The following KIF6 variants were observed in gnomAD, a reference collection of about 807,000 sequenced individuals.
KIF6 encodes kinesin-like protein KIF6.
KIF6 carries 106 observed loss-of-function variants against 112.7 expected under a neutral mutation model. The ratio of observed to expected loss-of-function variants is 0.94; its 90% CI spans 0.80 to 1.11. KIF6 has a LOEUF of 1.11. KIF6 is among the 50% of genes least tolerant of loss of function. KIF6 has a pLI of 0.00. For synonymous variants in KIF6, 339 were observed against 339.9 expected (o/e 1.00, Z 0.03); for missense variants, 929 against 964.0 (o/e 0.96, Z 0.48).
intron 15 of KIF6, among the ~76,000 whole-genome samples, chr6:39,391,290 G>T (rs1264722617): frequency 6.6e-6 from 1 of 152,214 alleles, no homozygotes; most frequent in Non-Finnish European, 1.5e-5. Context: ...GCGCCATGCG[G>T]AACAGGGTAA....
chr6:39,689,040 C>T (rs1164723640), intron 3 of KIF6, among the ~76,000 whole-genome samples: 2 of 152,030 alleles, frequency 1.3e-5, no homozygotes, highest in East Asian at 1.9e-4. Flanking sequence ...ATCACTGAAG[C>T]CCAGGAGTTC....
chr6:39,443,152 AT>A (rs879560171), intron 13 of KIF6, among the ~76,000 whole-genome samples: 3,081 of 131,180 alleles, frequency 0.023, 60 homozygotes, highest in Non-Finnish European at 0.031. Context: ...AATAATAATA[AT>A]AATAATAAAT....
Position 39,584,934 on chromosome 6 carries a change from A to G in KIF6, c.1041T>C (p.Asn347=). 1.2e-6 allele frequency: 2 copies of G among 1,612,324 alleles called. No individual in the cohort carries two copies. The highest frequency in any genetic ancestry group is 2.2e-5 in the East Asian group (1 of 44,858). The change falls in exon 9 of 23, where the codon AAT becomes AAC. Residue 347 remains asparagine, a synonymous_variant. Transcript: ENST00000287152. Reference sequence around the variant, plus strand: ...TAATTTCTTCATTAAGAACAGCTTCATTCTTTATGAGTGCCACTCGCTGTG... The same window carrying G: ...TAATTTCTTCATTAAGAACAGCTTCGTTCTTTATGAGTGCCACTCGCTGTG... ...RFAQRVALIK[N]EAVLNEEINP...
intron 3 of KIF6, among the ~76,000 whole-genome samples, chr6:39,652,064 C>T (rs972451139): frequency 6.6e-6 from 1 of 152,102 alleles, no homozygotes. Flanking sequence ...GGGCAAAAAT[C>T]ACACGAGGAG....
rs759358807 is a variant in KIF6 at position 39,725,297 on chromosome 6, G to C, written c.14C>G (p.Thr5Ser). Residue 5 changes from threonine (T) to serine (S), a missense_variant, in exon 1 of 23, where the codon ACT (threonine) becomes AGT (serine). Thr to Ser is a moderately conservative substitution (Grantham distance 58). Around this residue, in one of 2 missense-constraint regions of KIF6, gnomAD observed 688 missense variants for 662.7 expected, o/e 1.04. Transcript: ENST00000287152. ...CTTCACCCTCGCGAATATCTGGATA[G>C]TCTGCTTCACCATCTCCTCCCTGGC... MVKQ[T>S]IQIFARVKPP... The C allele has an allele frequency of 4.3e-6, 7 of 1,610,674 alleles. No homozygotes were observed. Among genetic ancestry groups the C allele is most frequent in the South Asian group, 3.3e-5 (3 of 90,506 alleles).
chr6:39,388,126 G>C (rs1289170397), intron 15 of KIF6, among the ~76,000 whole-genome samples: 4 of 152,088 alleles, frequency 2.6e-5, no homozygotes, highest in African/African-American at 9.7e-5. Flanking sequence ...CCAGTAATAA[G>C]CCTCCCTGAC....
chr6:39,665,528 C>A (rs1043327615), intron 3 of KIF6, among the ~76,000 whole-genome samples: 1 of 151,536 alleles, frequency 6.6e-6, no homozygotes, highest in Non-Finnish European at 1.5e-5. Context: ...AAAATAATGC[C>A]GACAATTTTA....
chr6:39,389,147 TGTTA>T, intron 15 of KIF6, among the ~76,000 whole-genome samples: 1 of 152,306 alleles, frequency 6.6e-6, no homozygotes, highest in East Asian at 1.9e-4. Flanking sequence ...GGGTTTTCTC[TGTTA>T]CTGAGTAGTT....
At chr6:39,523,678 ATATATATATATATATATATG>A in intron 13 of KIF6, among the ~76,000 whole-genome samples, 1 of 113,864 alleles carries the variant, frequency 8.8e-6, no homozygotes, top group African/African-American at 4.2e-5. Flanking sequence ...ATATATATAT[ATATATATATATATATATATG>A]ATTACTCTTT....
intron 10 of KIF6, among the ~76,000 whole-genome samples, chr6:39,570,267 G>C (rs978526321): frequency 6.6e-6 from 1 of 152,172 alleles, no homozygotes; most frequent in Non-Finnish European, 1.5e-5. Context: ...ACAGCTTGGA[G>C]AGACATTGAC....
chr6:39,605,807 A>G (rs1357900702), intron 6 of KIF6, among the ~76,000 whole-genome samples: 1 of 152,112 alleles, frequency 6.6e-6, no homozygotes, highest in East Asian at 1.9e-4. Flanking sequence ...TTCTGACTAG[A>G]TGCCCTTAAG....
At chr6:39,523,513 A>G (rs1160274201) in intron 13 of KIF6, among the ~76,000 whole-genome samples, 3 of 151,222 alleles carry the variant, frequency 2.0e-5, no homozygotes, top group Non-Finnish European at 4.4e-5. Context: ...CACAAACCCT[A>G]CAATCCAACC....
At chr6:39,578,590 C>T (rs1402678535) in intron 9 of KIF6, among the ~76,000 whole-genome samples, 2 of 152,034 alleles carry the variant, frequency 1.3e-5, no homozygotes, top group South Asian at 2.1e-4. Context: ...CCTGGCCTCC[C>T]AAAGTTTGAG....
chr6:39,552,413 C>A (rs1779438564), intron 10 of KIF6, among the ~76,000 whole-genome samples: 1 of 152,138 alleles, frequency 6.6e-6, no homozygotes, highest in South Asian at 2.1e-4. Flanking sequence ...TTCCATAAGT[C>A]TATAAATTAT....
intron 14 of KIF6, among the ~76,000 whole-genome samples, chr6:39,426,364 C>T (rs1254268359): frequency 6.6e-6 from 1 of 152,160 alleles, no homozygotes; most frequent in Non-Finnish European, 1.5e-5. Context: ...AGCACAACTT[C>T]CTCAGACTGG....
chr6:39,387,157 G>A (rs754423145), intron 15 of KIF6, among the ~76,000 whole-genome samples: 2 of 151,998 alleles, frequency 1.3e-5, no homozygotes, highest in Non-Finnish European at 2.9e-5. Context: ...TGACTTGTAT[G>A]TATTCGAGCT....
At chr6:39,722,343 C>T (rs1790267247) in intron 1 of KIF6, among the ~76,000 whole-genome samples, 1 of 152,170 alleles carries the variant, frequency 6.6e-6, no homozygotes, top group Admixed American at 6.5e-5. Context: ...AGAAAAGTCC[C>T]TTAGAACCAG....
At chr6:39,649,776 A>AG in intron 3 of KIF6, among the ~76,000 whole-genome samples, 1 of 148,124 alleles carries the variant, frequency 6.8e-6, no homozygotes, top group East Asian at 1.9e-4. Context: ...AAAGAAAGAA[A>AG]AGAAACTAAA....
At chr6:39,721,027 C>G (rs1265033343) in intron 1 of KIF6, among the ~76,000 whole-genome samples, 1 of 152,118 alleles carries the variant, frequency 6.6e-6, no homozygotes, top group African/African-American at 2.4e-5. Context: ...AATGCTGTAT[C>G]AAAGTCAGAT....
Sources: allele counts gnomAD v4.1 joint callset (sites outside exome capture counted in the v4.1 genomes callset), GRCh38; gene constraint gnomAD v4.1.1; regional missense constraint gnomAD v4.1.1; transcripts MANE v1.5; gene names NCBI Gene and HGNC (gene_info 2026-07-23, HGNC 2026-07-21).